Variants in CDC14B observed in about 807,000 individuals in gnomAD.
CDC14B encodes cell division cycle 14B, also known as dual specificity protein phosphatase CDC14B.
CDC14B carries 22 observed loss-of-function variants against 64.2 expected under a neutral mutation model. That is an observed-to-expected ratio of 0.34 (90% confidence interval 0.24 to 0.49). The LOEUF is 0.49. Ranked by LOEUF, CDC14B falls within the 20% of genes least tolerant of loss-of-function variation. The probability of loss-of-function intolerance (pLI) is 0.99; values close to 1 mark genes in which losing one functional copy is unlikely to be tolerated. For missense variants in CDC14B, 498 were observed against 629.9 expected (o/e 0.79, Z 2.24); for synonymous variants, 191 against 215.8 (o/e 0.89, Z 1.01).
chr9:96,527,591 G>T (rs1837771634), intron 9 of CDC14B, among the ~76,000 whole-genome samples: 1 of 151,842 alleles, frequency 6.6e-6, no homozygotes, highest in Non-Finnish European at 1.5e-5. Flanking sequence ...GGAAACTCTG[G>T]ACCCATTTTT....
intron 1 of CDC14B, among the ~76,000 whole-genome samples, chr9:96,577,135 C>T (rs911429077): frequency 1.3e-5 from 2 of 151,656 alleles, no homozygotes; most frequent in Non-Finnish European, 2.9e-5. Context: ...CCTGTAATCC[C>T]GGTTTCTCGG....
intron 1 of CDC14B, among the ~76,000 whole-genome samples, chr9:96,616,713 G>A (rs1360722769): frequency 4.0e-5 from 6 of 149,262 alleles, no homozygotes; most frequent in Non-Finnish European, 8.9e-5. Flanking sequence ...AACAGAGCGA[G>A]ACTCTGTCTC....
chr9:96,592,029 G>A (rs1027981007), intron 1 of CDC14B, among the ~76,000 whole-genome samples: 1 of 152,146 alleles, frequency 6.6e-6, no homozygotes, highest in Non-Finnish European at 1.5e-5. Flanking sequence ...ACAGGCATGA[G>A]CCACAGCGCC....
chr9:96,598,940 G>A (rs184604521), intron 1 of CDC14B, among the ~76,000 whole-genome samples: 2 of 152,302 alleles, frequency 1.3e-5, no homozygotes, highest in Admixed American at 1.3e-4. Context: ...AGAAAATTCT[G>A]TGAAATAAAG....
intron 5 of CDC14B, among the ~76,000 whole-genome samples, chr9:96,545,667 A>G (rs1383957715): frequency 1.3e-5 from 2 of 150,314 alleles, no homozygotes; most frequent in East Asian, 3.9e-4. Context: ...AGTTAAAGAC[A>G]TGTTGATTCA....
At chr9:96,542,020 G>A (rs1419371581) in intron 5 of CDC14B, 128 bp from the exon 6 acceptor site, 6 of 517,948 alleles carry the variant, frequency 1.2e-5, no homozygotes, top group Admixed American at 1.1e-4. Context: ...AAAAAATCTC[G>A]CCTTTTGACT....
At chr9:96,496,422 T>C (rs1180993421), downstream of CDC14B, 1 of 465,054 alleles carries the variant, frequency 2.2e-6, no homozygotes, top group Non-Finnish European at 4.3e-6. Context: ...ACAGGGCCTG[T>C]CTCAGGGCTT....
intron 7 of CDC14B, among the ~76,000 whole-genome samples, chr9:96,536,980 T>C (rs1839364165): frequency 6.6e-6 from 1 of 152,200 alleles, no homozygotes; most frequent in African/African-American, 2.4e-5. Flanking sequence ...TCCCTGGCCC[T>C]GTCCTATGTT....
intron 1 of CDC14B, among the ~76,000 whole-genome samples, chr9:96,614,673 A>G (rs1847517352): frequency 6.6e-6 from 1 of 152,146 alleles, no homozygotes; most frequent in Non-Finnish European, 1.5e-5. Context: ...AAATAGAGAT[A>G]AAGATTCAGA....
chr9:96,555,125 G>A (rs920153387), intron 4 of CDC14B, among the ~76,000 whole-genome samples: 1 of 152,170 alleles, frequency 6.6e-6, no homozygotes. Flanking sequence ...ACCCCAAAGA[G>A]TCTCATCTGC....
intron 6 of CDC14B, among the ~76,000 whole-genome samples, chr9:96,539,952 T>G (rs1195233949): frequency 1.3e-5 from 2 of 152,230 alleles, no homozygotes; most frequent in East Asian, 1.9e-4. Context: ...AGGGGGCTTT[T>G]GTACACCCAG....
intron 11 of CDC14B, among the ~76,000 whole-genome samples, chr9:96,522,899 T>C (rs1331418883): frequency 1.3e-5 from 2 of 152,202 alleles, no homozygotes; most frequent in Non-Finnish European, 2.9e-5. Context: ...CTTAATGTAG[T>C]AGTACTGCTA....
chr9:96,562,831 G>A (rs1272741639), intron 3 of CDC14B, 46 bp from the exon 4 acceptor site: 1 of 1,212,048 alleles, frequency 8.3e-7, no homozygotes, highest in Non-Finnish European at 1.2e-6. Flanking sequence ...TTAATTTCAA[G>A]TCTTCCACAA....
chr9:96,509,915 C>T (rs1834682520), intron 12 of CDC14B, 126 bp from the exon 13 acceptor site: 1 of 606,994 alleles, frequency 1.6e-6, no homozygotes, highest in Admixed American at 3.2e-5. Flanking sequence ...TCCATCAACA[C>T]ATTTACCAAA....
intron 9 of CDC14B, among the ~76,000 whole-genome samples, 195 bp downstream of exon 9, chr9:96,533,732 T>C (rs1022832629): frequency 3.9e-5 from 6 of 152,244 alleles, no homozygotes; most frequent in Admixed American, 1.3e-4. Flanking sequence ...TAAATGCATT[T>C]CAATGTGATG....
At chr9:96,568,634 A>G (rs1160789969) in intron 1 of CDC14B, among the ~76,000 whole-genome samples, 1 of 152,178 alleles carries the variant, frequency 6.6e-6, no homozygotes, top group East Asian at 1.9e-4. Flanking sequence ...ACTGAAAACT[A>G]GACAGACGTG....
At chr9:96,593,910 T>TA (rs1259383950) in intron 1 of CDC14B, among the ~76,000 whole-genome samples, 2 of 152,164 alleles carry the variant, frequency 1.3e-5, no homozygotes, top group East Asian at 3.8e-4. Flanking sequence ...TCTGAAAAGA[T>TA]AAAGTAACTC....
chr9:96,582,681 T>C (rs1308739712), intron 1 of CDC14B, among the ~76,000 whole-genome samples: 1 of 152,230 alleles, frequency 6.6e-6, no homozygotes, highest in Non-Finnish European at 1.5e-5. Context: ...TAAATGTATG[T>C]TCAAGTGCTA....
At chr9:96,504,510 G>A (rs570863544) in intron 13 of CDC14B, among the ~76,000 whole-genome samples, 119 of 152,334 alleles carry the variant, frequency 7.8e-4, no homozygotes, top group African/African-American at 2.6e-3. Context: ...CGATCATTTC[G>A]TTTTCAGAGA....
Sources: allele counts gnomAD v4.1 joint callset (sites outside exome capture counted in the v4.1 genomes callset), GRCh38; gene constraint gnomAD v4.1.1; transcripts MANE v1.5; gene names NCBI Gene and HGNC (gene_info 2026-07-23, HGNC 2026-07-21).